The following CSMD1 variants were observed in gnomAD, a reference collection of about 807,000 sequenced individuals.
CSMD1 encodes the protein CUB and sushi domain-containing protein 1.
In CSMD1, 213 loss-of-function variants were observed where a neutral mutation model predicts 417.5. That is an observed-to-expected ratio of 0.51 (90% CI 0.46 to 0.57). The LOEUF (loss-of-function observed/expected upper bound fraction) is 0.57, where lower values mean the gene tolerates loss of function less well. Ranked by LOEUF, CSMD1 falls within the 20% of genes least tolerant of loss-of-function variation. The pLI, the probability that CSMD1 is intolerant of heterozygous loss-of-function variation, is 0.00. For missense variants in CSMD1, 6,923 were observed against 4,529.7 expected, an observed-to-expected ratio of 1.53 and a Z score of -15.17; for synonymous variants, 2,862 against 1,736.8, an observed-to-expected ratio of 1.65 and a Z score of -16.11.
At chr8:3,302,699 C>T (rs4875574) in intron 25 of CSMD1, among the ~76,000 whole-genome samples, 118,448 of 152,126 alleles carry the variant, frequency 0.78, 48,150 homozygotes, top group Non-Finnish European at 0.91. Flanking sequence ...TGTGATCTGT[C>T]ACCAGTGATG....
At chr8:4,311,836 G>C (rs58970227) in intron 3 of CSMD1, among the ~76,000 whole-genome samples, 16,320 of 151,844 alleles carry the variant, frequency 0.11, 2,758 homozygotes, top group African/African-American at 0.36. Flanking sequence ...CGAAGGAGAG[G>C]AGCGGAAAAG....
chr8:3,453,111 G>A (rs1341198352), intron 12 of CSMD1, among the ~76,000 whole-genome samples: 5 of 152,138 alleles, frequency 3.3e-5, no homozygotes, highest in Non-Finnish European at 5.9e-5. Context: ...GCATAGAGGT[G>A]GTTATAGTAT....
At chr8:3,170,312 A>T (rs531204110) in intron 37 of CSMD1, among the ~76,000 whole-genome samples, 1 of 152,182 alleles carries the variant, frequency 6.6e-6, no homozygotes, top group East Asian at 1.9e-4. Context: ...GGTTCACACC[A>T]TTCTCCCGCC....
At chr8:4,760,297 A>G (rs1811958504) in intron 1 of CSMD1, among the ~76,000 whole-genome samples, 1 of 152,348 alleles carries the variant, frequency 6.6e-6, no homozygotes, top group South Asian at 2.1e-4. Context: ...ATGTGAAGAT[A>G]ATTCTTCTAA....
chr8:2,954,159 C>T lies in CSMD1; in HGVS notation c.10039+65G>A, dbSNP rs548300576. The T allele has an allele frequency of 1.9e-4, 151 of 785,762 alleles. No individual in the cohort carries two copies. The South Asian group carries it at 3.3e-3, about 17-fold the overall frequency. The allele number at this position is 785,762 out of a possible 1,614,324, so 48.7% of individuals were successfully genotyped here. A position where few individuals can be genotyped will look rare whatever the true frequency, so the allele number is the denominator to read the frequency against. On this transcript the variant is annotated intron_variant, in intron 65 of 69. Transcript: ENST00000635120. ...AATTTAAATGTTGAAAATAGTTTCA[C>T]TGTGCAGAGTAGAGAACAAATCACT... is the stretch of plus-strand genomic sequence containing the variant.
At chr8:4,605,244 C>T (rs568269557) in intron 2 of CSMD1, among the ~76,000 whole-genome samples, 6 of 152,002 alleles carry the variant, frequency 3.9e-5, no homozygotes, top group Non-Finnish European at 5.9e-5. Context: ...CAAATACTAA[C>T]GTTAGACCGA....
chr8:4,426,598 A>C (rs1585055802), intron 2 of CSMD1, among the ~76,000 whole-genome samples: 1 of 123,114 alleles, frequency 8.1e-6, no homozygotes, highest in African/African-American at 3.1e-5. Context: ...AGTATAGTAT[A>C]TATACTATAA....
At chr8:4,411,015 G>C (rs967699402) in intron 3 of CSMD1, among the ~76,000 whole-genome samples, 1 of 152,046 alleles carries the variant, frequency 6.6e-6, no homozygotes, top group African/African-American at 2.4e-5. Context: ...TACCTCTTTT[G>C]CATTCATGCT....
intron 7 of CSMD1, among the ~76,000 whole-genome samples, chr8:3,682,834 C>A (rs1234157626): frequency 6.6e-6 from 1 of 152,128 alleles, no homozygotes; most frequent in Non-Finnish European, 1.5e-5. Context: ...AAATGTGGCA[C>A]ATATACACCA....
intron 3 of CSMD1, among the ~76,000 whole-genome samples, chr8:4,160,714 G>A (rs558429705): frequency 6.6e-6 from 1 of 152,298 alleles, no homozygotes; most frequent in East Asian, 1.9e-4. Flanking sequence ...CTTGCCTTGT[G>A]GCAAGTTGCA....
intron 3 of CSMD1, among the ~76,000 whole-genome samples, chr8:4,283,667 C>A (rs1420837362): frequency 1.3e-5 from 2 of 152,190 alleles, no homozygotes; most frequent in Non-Finnish European, 2.9e-5. Flanking sequence ...AGACACACCT[C>A]AGTTTTCCAC....
chr8:4,019,138 A>T (rs955744241), intron 4 of CSMD1, among the ~76,000 whole-genome samples: 4 of 152,174 alleles, frequency 2.6e-5, no homozygotes, highest in African/African-American at 9.7e-5. Flanking sequence ...GTATCGTAAG[A>T]CTTAAAGAAA....
intron 3 of CSMD1, among the ~76,000 whole-genome samples, chr8:4,085,506 T>C (rs557070292): frequency 6.6e-6 from 1 of 152,326 alleles, no homozygotes; most frequent in East Asian, 1.9e-4. Context: ...AATTCTTTCC[T>C]AATATAAATT....
chr8:4,475,261 C>G (rs1015192284), intron 2 of CSMD1, among the ~76,000 whole-genome samples: 2 of 152,174 alleles, frequency 1.3e-5, no homozygotes, highest in African/African-American at 4.8e-5. Context: ...CCCTCTCTCA[C>G]TCCATTTCTA....
At chr8:3,406,470 G>A (rs1812348862) in intron 14 of CSMD1, among the ~76,000 whole-genome samples, 1 of 152,158 alleles carries the variant, frequency 6.6e-6, no homozygotes, top group South Asian at 2.1e-4. Flanking sequence ...GGTTTGAAAA[G>A]CACTTTTCAT....
At chr8:3,846,473 G>T (rs1803509920) in intron 5 of CSMD1, among the ~76,000 whole-genome samples, 1 of 152,080 alleles carries the variant, frequency 6.6e-6, no homozygotes, top group African/African-American at 2.4e-5. Flanking sequence ...CTTCCTCTCA[G>T]TTTTTTCACG....
At chr8:4,756,978 A>G (rs1006023992) in intron 1 of CSMD1, among the ~76,000 whole-genome samples, 1 of 152,268 alleles carries the variant, frequency 6.6e-6, no homozygotes, top group Non-Finnish European at 1.5e-5. Flanking sequence ...TGGTGAGGAA[A>G]GAGTGCAGAT....
intron 23 of CSMD1, among the ~76,000 whole-genome samples, chr8:3,320,472 T>G (rs1377441780): frequency 6.6e-6 from 1 of 152,346 alleles, no homozygotes; most frequent in East Asian, 1.9e-4. Context: ...TATAAGGGAT[T>G]ATCAACAATA....
At chr8:4,680,679 A>C (rs1382702921) in intron 1 of CSMD1, among the ~76,000 whole-genome samples, 1 of 152,026 alleles carries the variant, frequency 6.6e-6, no homozygotes, top group East Asian at 1.9e-4. Flanking sequence ...TCCCAGGTTC[A>C]AGTGACTCTC....
Sources: allele counts gnomAD v4.1 joint callset (sites outside exome capture counted in the v4.1 genomes callset), GRCh38; gene constraint gnomAD v4.1.1; transcripts MANE v1.5; gene names NCBI Gene and HGNC (gene_info 2026-07-23, HGNC 2026-07-21).